Variants in FAM13C observed in about 807,000 individuals in gnomAD.
FAM13C encodes the protein family with sequence similarity 13 member C, also known as protein FAM13C.
In FAM13C, 37 loss-of-function variants were observed where a neutral mutation model predicts 73.2. That is an observed-to-expected ratio of 0.51 (90% CI 0.39 to 0.67). The LOEUF (loss-of-function observed/expected upper bound fraction) is 0.67, where lower values mean the gene tolerates loss of function less well. FAM13C is among the 30% of genes least tolerant of loss of function. The probability of loss-of-function intolerance (pLI) is 0.00; values close to 1 mark genes in which losing one functional copy is unlikely to be tolerated. For synonymous variants in FAM13C, 246 were observed against 260.9 expected (o/e 0.94, Z 0.55); for missense variants, 589 against 715.6 (o/e 0.82, Z 2.02).
Position 59,282,834 on chromosome 10 carries a change from A to G in FAM13C, c.592+529T>C, listed in dbSNP as rs971095127. ...GACTTTTTGACAAGGAAATTAATGA[A>G]AAAAAAAAATGGAAACCAAACAAGA... On this transcript the variant is annotated intron_variant, in intron 6 of 13. Coordinates refer to ENST00000618804, the MANE Select transcript of FAM13C (RefSeq NM_198215.4). 4.2e-5 allele frequency: 4 copies of G among 95,376 alleles called. 1 individual carries two copies. The highest frequency in any genetic ancestry group is 6.2e-5 in the African/African-American group (1 of 16,158). 5.9% of individuals were successfully genotyped at this position (95,376 alleles called of 1,614,324 possible). A position where few individuals can be genotyped will look rare whatever the true frequency, so the allele number is the denominator to read the frequency against.
chr10:59,326,281 T>A, intron 3 of FAM13C, among the ~76,000 whole-genome samples: 1 of 152,124 alleles, frequency 6.6e-6, no homozygotes, highest in East Asian at 1.9e-4. Flanking sequence ...CAGCTGACTA[T>A]CAAGTCCCTG....
intron 13 of FAM13C, among the ~76,000 whole-genome samples, chr10:59,249,408 G>GAAAAAAAAA (rs71006241): frequency 1.0e-5 from 1 of 99,168 alleles, no homozygotes; most frequent in Non-Finnish European, 1.8e-5. Context: ...CGTCTCAAAA[G>GAAAAAAAAA]AAAAAAAAAA....
chr10:59,352,403 T>C lies in FAM13C; in HGVS notation c.191A>G (p.Glu64Gly). 2 of 1,614,018 alleles carry C rather than the reference T, an allele frequency of 1.2e-6. No individual in the cohort carries two copies. Among genetic ancestry groups the C allele is most frequent in the Non-Finnish European group, 1.7e-6 (2 of 1,180,014 alleles). The change falls in exon 3 of 14, where the codon GAG becomes GGG. Residue 64 changes from glutamate to glycine, a missense_variant. Transcript: ENST00000618804. The part of the protein sequence containing the change: ...LVEEHAPPSW[E>G]PQQQNVEATV... ...CGCCTCTACATTCTGCTGCTGCGGCTCCCAAGAGGGCGGCGCGTGCTCTTC... is the reference window on the plus strand; with the variant it reads ...CGCCTCTACATTCTGCTGCTGCGGCCCCCAAGAGGGCGGCGCGTGCTCTTC...
chr10:59,298,175 A>G (rs1847142248), intron 5 of FAM13C, among the ~76,000 whole-genome samples: 1 of 152,226 alleles, frequency 6.6e-6, no homozygotes, highest in South Asian at 2.1e-4. Flanking sequence ...AGGATAAACG[A>G]TAGTGATGGT....
At chr10:59,316,178 G>C (rs1306603044) in intron 4 of FAM13C, among the ~76,000 whole-genome samples, 1 of 152,006 alleles carries the variant, frequency 6.6e-6, no homozygotes, top group Non-Finnish European at 1.5e-5. Context: ...CAAGTGATCT[G>C]CCCGCCTCAG....
At chr10:59,349,833 T>C (rs1854798413) in intron 3 of FAM13C, among the ~76,000 whole-genome samples, 1 of 152,196 alleles carries the variant, frequency 6.6e-6, no homozygotes, top group Non-Finnish European at 1.5e-5. Flanking sequence ...TTATTTAGTA[T>C]ATTATTTTTA....
chr10:59,321,822 A>G (rs1371084229), intron 4 of FAM13C, among the ~76,000 whole-genome samples: 2 of 152,114 alleles, frequency 1.3e-5, no homozygotes, highest in African/African-American at 4.8e-5. Flanking sequence ...AGTCTCACCA[A>G]AATGATGTGT....
At chr10:59,362,343 T>C (rs1856517168) in intron 1 of FAM13C, 56 bp downstream of exon 1, 6 of 1,594,572 alleles carry the variant, frequency 3.8e-6, no homozygotes, top group Non-Finnish European at 5.1e-6. Flanking sequence ...ACCTTCACGA[T>C]AGTTGCTTCC....
intron 4 of FAM13C, among the ~76,000 whole-genome samples, chr10:59,322,100 A>C (rs2134013790): frequency 6.6e-6 from 1 of 152,260 alleles, no homozygotes; most frequent in African/African-American, 2.4e-5. Context: ...CAGAAGAGGA[A>C]GGTTATCAGG....
intron 5 of FAM13C, among the ~76,000 whole-genome samples, chr10:59,287,725 C>A (rs559862134): frequency 1.3e-5 from 2 of 152,282 alleles, no homozygotes; most frequent in African/African-American, 4.8e-5. Flanking sequence ...CAGAATTAAA[C>A]AAGGGAAATC....
chr10:59,345,961 C>T (rs1356763341), intron 3 of FAM13C, among the ~76,000 whole-genome samples: 12 of 152,170 alleles, frequency 7.9e-5, no homozygotes, highest in Admixed American at 7.9e-4. Flanking sequence ...GCTTTAGACA[C>T]ACTGCAAGAA....
At chr10:59,305,352 TC>T (rs780421829) in intron 4 of FAM13C, among the ~76,000 whole-genome samples, 64 of 152,234 alleles carry the variant, frequency 4.2e-4, no homozygotes, top group Non-Finnish European at 8.5e-4. Flanking sequence ...TCTGAGACAG[TC>T]TGAATGCTAT....
intron 10 of FAM13C, among the ~76,000 whole-genome samples, chr10:59,261,583 A>G (rs535165777): frequency 6.6e-6 from 1 of 152,278 alleles, no homozygotes; most frequent in South Asian, 2.1e-4. Context: ...AGGGGAGGTC[A>G]TGACCTATAA....
At chr10:59,265,689 C>T (rs1223211143) in intron 8 of FAM13C, among the ~76,000 whole-genome samples, 2 of 152,038 alleles carry the variant, frequency 1.3e-5, no homozygotes, top group Non-Finnish European at 2.9e-5. Context: ...GTTTTTACTA[C>T]GGTGCATAGA....
chr10:59,254,171 T>C, intron 11 of FAM13C, 177 bp downstream of exon 11: 1 of 405,918 alleles, frequency 2.5e-6, no homozygotes, highest in Non-Finnish European at 4.4e-6. Context: ...TATCAGCCAC[T>C]GTTAAATATA....
chr10:59,254,433 T>C lies in FAM13C; in HGVS notation c.1247A>G (p.Gln416Arg). The C allele has an allele frequency of 6.7e-7, 1 of 1,498,396 alleles. No homozygotes were observed. Among genetic ancestry groups the C allele is most frequent in the Non-Finnish European group, 8.9e-7 (1 of 1,120,166 alleles). The allele number at this position is 1,498,396 out of a possible 1,614,324, so 92.8% of individuals were successfully genotyped here. The change falls in exon 11 of 14, where the codon CAA becomes CGA. Residue 416 changes from glutamine (Q) to arginine (R), a missense_variant. Transcript: ENST00000618804. ...PPQEDSKVTK[Q>R]DKNLIKPLYD... ...AAGCGGCTTTATGAGGTTCTTGTCT[T>C]GCTTAGTTACCTGAAAAACATGAAA...
intron 4 of FAM13C, among the ~76,000 whole-genome samples, chr10:59,305,878 C>T (rs1361979066): frequency 1.3e-5 from 2 of 152,186 alleles, no homozygotes; most frequent in African/African-American, 4.8e-5. Flanking sequence ...TCCATCAATC[C>T]CCTGAACCAC....
intron 3 of FAM13C, among the ~76,000 whole-genome samples, chr10:59,350,866 A>G (rs1234433448): frequency 1.3e-5 from 2 of 152,232 alleles, no homozygotes; most frequent in Non-Finnish European, 2.9e-5. Flanking sequence ...TTACACTTAA[A>G]GCCTCCCACA....
intron 3 of FAM13C, among the ~76,000 whole-genome samples, chr10:59,326,966 A>G (rs1589627601): frequency 6.6e-6 from 1 of 152,218 alleles, no homozygotes; most frequent in Admixed American, 6.5e-5. Flanking sequence ...TCAATTATAA[A>G]CCATCATTGG....
Sources: allele counts gnomAD v4.1 joint callset (sites outside exome capture counted in the v4.1 genomes callset), GRCh38; gene constraint gnomAD v4.1.1; transcripts MANE v1.5; gene names NCBI Gene and HGNC (gene_info 2026-07-23, HGNC 2026-07-21).